ADAP2: variants seen among roughly 807,000 people sequenced by gnomAD.
ADAP2 encodes arf-GAP with dual PH domain-containing protein 2.
Under a neutral mutation model 54.9 loss-of-function variants are expected in ADAP2, and 42 were observed. The ratio of observed to expected loss-of-function variants is 0.77; its 90% CI spans 0.60 to 0.99. The LOEUF (loss-of-function observed/expected upper bound fraction) is 0.99, where lower values mean the gene tolerates loss of function less well. ADAP2 is among the 50% of genes least tolerant of loss of function. ADAP2 has a pLI of 0.00. For synonymous variants in ADAP2, 177 were observed against 180.1 expected, an observed-to-expected ratio of 0.98 and a Z score of 0.14; for missense variants, 429 against 480.4, an observed-to-expected ratio of 0.89 and a Z score of 1.00.
chr17:30,942,091 A>T (rs1360702329), intron 5 of ADAP2, among the ~76,000 whole-genome samples: 1 of 152,026 alleles, frequency 6.6e-6, no homozygotes, highest in Non-Finnish European at 1.5e-5. Context: ...TTTTTAGTAG[A>T]GACAGGATTT....
At chr17:30,922,853 G>T (rs1433129869) in intron 1 of ADAP2, 87 bp from the exon 2 acceptor site, 14 of 1,449,940 alleles carry the variant, frequency 9.7e-6, no homozygotes, top group African/African-American at 1.4e-5. Context: ...GAGAAGGGGC[G>T]CCCCACCTGC....
At chr17:30,946,610 GTCACATAA>G (rs1299913724) in intron 6 of ADAP2, among the ~76,000 whole-genome samples, 1 of 152,162 alleles carries the variant, frequency 6.6e-6, no homozygotes, top group Non-Finnish European at 1.5e-5. Context: ...CCTGAGCAGG[GTCACATAA>G]CTAGGCAGGG....
chr17:30,939,426 T>G (rs1402029062), intron 5 of ADAP2, among the ~76,000 whole-genome samples: 3 of 125,984 alleles, frequency 2.4e-5, no homozygotes, highest in Admixed American at 8.3e-5. Context: ...ATAAAGAAAG[T>G]GAAACTGAAA....
chr17:30,953,041 T>C (rs1904795185), intron 7 of ADAP2, among the ~76,000 whole-genome samples: 1 of 151,948 alleles, frequency 6.6e-6, no homozygotes, highest in Non-Finnish European at 1.5e-5. Context: ...CACCCTGGGG[T>C]TACTGAAGGA....
intron 5 of ADAP2, among the ~76,000 whole-genome samples, chr17:30,934,879 C>T (rs1342573087): frequency 6.6e-6 from 1 of 151,524 alleles, no homozygotes; most frequent in Non-Finnish European, 1.5e-5. Flanking sequence ...ACAAAAAATA[C>T]AAAAATTAGC....
chr17:30,956,585 C>A, intron 10 of ADAP2, 116 bp downstream of exon 10: 1 of 944,882 alleles, frequency 1.1e-6, no homozygotes, highest in Non-Finnish European at 1.6e-6. Context: ...TGACTATGCT[C>A]TTTTCATTGT....
chr17:30,947,360 A>C (rs1216842063), intron 6 of ADAP2, among the ~76,000 whole-genome samples: 1 of 151,870 alleles, frequency 6.6e-6, no homozygotes, highest in Admixed American at 6.6e-5. Flanking sequence ...CTGAGACCTA[A>C]GGTTTTTTTT....
At chr17:30,936,933 T>G (rs1464427670) in intron 5 of ADAP2, among the ~76,000 whole-genome samples, 2 of 152,138 alleles carry the variant, frequency 1.3e-5, no homozygotes, top group Non-Finnish European at 2.9e-5. Flanking sequence ...AGTTTTTGAT[T>G]GATTGATTGA....
chr17:30,934,276 G>A lies in ADAP2; in HGVS notation c.489G>A (p.Leu163=), dbSNP rs1450105055. Residue 163 remains leucine, a synonymous_variant, in exon 5 of 11, where the codon CTG becomes CTA. Transcript: ENST00000330889. Reference sequence around the variant, plus strand: ...TACTTCTGGCAAGAGAAGGCCTCCTGAAGTACTTCACAAAGGAACAGGTAA... The same window carrying A: ...TACTTCTGGCAAGAGAAGGCCTCCTAAAGTACTTCACAAAGGAACAGGTAA... ...KFVLLAREGL[L]KYFTKEQGKS... is the part of the protein sequence containing the mutation. 6.2e-7 allele frequency: 1 copy of A among 1,613,840 alleles called. No homozygotes were observed. The highest frequency in any genetic ancestry group is 1.7e-5 in the Admixed American group (1 of 59,988).
At chr17:30,948,975 A>G (rs1230556155) in intron 6 of ADAP2, among the ~76,000 whole-genome samples, 1 of 152,188 alleles carries the variant, frequency 6.6e-6, no homozygotes, top group African/African-American at 2.4e-5. Context: ...CAAGAGCCTC[A>G]GGTGATTTTG....
In ADAP2 at chr17:30,926,849, T is replaced by C; in HGVS notation, c.248T>C (p.Leu83Pro). 6.2e-7 allele frequency: 1 copy of C among 1,614,174 alleles called. No individual in the cohort carries two copies. Among genetic ancestry groups the C allele is most frequent in the Non-Finnish European group, 8.5e-7 (1 of 1,180,028 alleles). Residue 83 changes from leucine (L) to proline (P), a missense_variant, in exon 3 of 11, where the codon CTC becomes CCC. By Grantham distance (98) the Leu-to-Pro change is moderately conservative. Transcript: ENST00000330889. ...IVEFMIHNGN[L>P]RVKAKFEARV... is the part of the protein sequence containing the mutation. ...CAGTTTATGATCCACAATGGAAACC[T>C]CCGTGTGAAGGCCAAGTTCGAAGCC...
chr17:30,940,915 A>G (rs1912226930), intron 5 of ADAP2, among the ~76,000 whole-genome samples: 1 of 152,162 alleles, frequency 6.6e-6, no homozygotes, highest in Non-Finnish European at 1.5e-5. Context: ...AAACTTTACC[A>G]TGGCCTTTGT....
intron 3 of ADAP2, among the ~76,000 whole-genome samples, chr17:30,930,222 C>A (rs1229227749): frequency 1.3e-5 from 2 of 151,746 alleles, no homozygotes; most frequent in African/African-American, 2.4e-5. Context: ...CAGGCACGTG[C>A]CACCATGCCC....
At chr17:30,942,295 C>T (rs559355623) in intron 5 of ADAP2, among the ~76,000 whole-genome samples, 14 of 152,232 alleles carry the variant, frequency 9.2e-5, no homozygotes, top group African/African-American at 3.4e-4. Flanking sequence ...CAATTCCATA[C>T]CCATCATATT....
At chr17:30,932,536 G>T (rs985648835) in intron 4 of ADAP2, among the ~76,000 whole-genome samples, 8 of 151,016 alleles carry the variant, frequency 5.3e-5, no homozygotes, top group African/African-American at 1.9e-4. Context: ...TTACAGGCAT[G>T]AGCCACTGTG....
Position 30,949,347 on chromosome 17 carries a change from T to C in ADAP2, c.718T>C (p.Phe240Leu), listed in dbSNP as rs1393307671. 1.9e-6 allele frequency: 3 copies of C among 1,614,046 alleles called. No individual in the cohort carries two copies. The highest frequency in any genetic ancestry group is 2.5e-6 in the Non-Finnish European group (3 of 1,179,934). Residue 240 changes from phenylalanine to leucine, a missense_variant, in exon 7 of 11, where the codon TTT becomes CTT. By Grantham distance (22) the Phe-to-Leu change is conservative. Transcript: ENST00000330889. ...CCGTCTGCAGTACCTAAAAATGGCC[T>C]TTCCTGAACTCCCAGAGTCTGAGGT... ...AARLQYLKMA[F>L]PELPESELVP...
In ADAP2 at chr17:30,922,923, T is replaced by G; in HGVS notation, c.95-17T>G. ...CGCGCTTTCCGCTCAGCTCCTCTCC[T>G]GCCTCATCCCCTGCAGATCCCGACT... On this transcript the variant is annotated splice_polypyrimidine_tract_variant and intron_variant, in intron 1 of 10. Coordinates refer to ENST00000330889, the MANE Select transcript of ADAP2 (RefSeq NM_018404.3). 1 of 1,612,654 alleles carries G rather than the reference T, an allele frequency of 6.2e-7. No individual in the cohort carries two copies. The highest frequency in any genetic ancestry group is 8.5e-7 in the Non-Finnish European group (1 of 1,179,486).
intron 2 of ADAP2, among the ~76,000 whole-genome samples, chr17:30,924,676 C>T (rs951125748): frequency 2.0e-5 from 3 of 152,100 alleles, no homozygotes; most frequent in Non-Finnish European, 2.9e-5. Context: ...TAGACAGCAC[C>T]GGACTGGAGG....
At chr17:30,927,670 C>T (rs192865625) in intron 3 of ADAP2, among the ~76,000 whole-genome samples, 33 of 151,808 alleles carry the variant, frequency 2.2e-4, no homozygotes, top group African/African-American at 7.5e-4. Flanking sequence ...CACCTAAGCT[C>T]GGGCTGGCTC....
Sources: allele counts gnomAD v4.1 joint callset (sites outside exome capture counted in the v4.1 genomes callset), GRCh38; gene constraint gnomAD v4.1.1; transcripts MANE v1.5; gene names NCBI Gene and HGNC (gene_info 2026-07-23, HGNC 2026-07-21).